PTPRT: variants seen among roughly 807,000 people sequenced by gnomAD.
PTPRT encodes receptor-type tyrosine-protein phosphatase T.
In PTPRT, 56 loss-of-function variants were observed where a neutral mutation model predicts 176.8. The observed-to-expected ratio is 0.32, with a 90% CI of 0.26 to 0.40. The LOEUF (loss-of-function observed/expected upper bound fraction) is 0.40. Ranked by LOEUF, PTPRT falls within the 10% of genes least tolerant of loss-of-function variation. The pLI is 1.00. For missense variants in PTPRT, 1,540 were observed against 1,908.2 expected (o/e 0.81, Z 3.60); for synonymous variants, 783 against 739.0 (o/e 1.06, Z -0.96).
chr20:42,367,329 C>T (rs999546364), intron 9 of PTPRT, among the ~76,000 whole-genome samples: 14 of 152,180 alleles, frequency 9.2e-5, no homozygotes, highest in African/African-American at 3.4e-4. Context: ...AGACCTGAAT[C>T]TACAACATCA....
At chr20:42,921,465 G>T (rs1340238978) in intron 1 of PTPRT, among the ~76,000 whole-genome samples, 6 of 152,128 alleles carry the variant, frequency 3.9e-5, no homozygotes, top group African/African-American at 1.2e-4. Context: ...TCCACCTGTA[G>T]TCCTAGCTAC....
chr20:42,463,766 AT>A (rs1188785454), intron 8 of PTPRT, among the ~76,000 whole-genome samples: 2 of 152,046 alleles, frequency 1.3e-5, no homozygotes, highest in Admixed American at 6.6e-5. Context: ...TGTCTATGTC[AT>A]TTTTTTGTCT....
chr20:42,704,448 T>C (rs1203482176), intron 6 of PTPRT, among the ~76,000 whole-genome samples: 1 of 150,332 alleles, frequency 6.7e-6, no homozygotes, highest in Non-Finnish European at 1.5e-5. Flanking sequence ...AAAAAAAAAG[T>C]TCCACTTCCT....
chr20:43,120,862 T>C (rs2013233894), intron 1 of PTPRT, among the ~76,000 whole-genome samples: 1 of 152,250 alleles, frequency 6.6e-6, no homozygotes, highest in Admixed American at 6.5e-5. Context: ...TGTATTAATA[T>C]ATGTAAATAT....
intron 7 of PTPRT, among the ~76,000 whole-genome samples, chr20:42,506,354 T>C (rs935002372): frequency 1.3e-5 from 2 of 152,192 alleles, no homozygotes; most frequent in African/African-American, 4.8e-5. Flanking sequence ...CACACTTCAA[T>C]AAGCATAGCC....
intron 12 of PTPRT, among the ~76,000 whole-genome samples, chr20:42,312,490 A>C (rs959710971): frequency 2.3e-4 from 35 of 152,254 alleles, no homozygotes; most frequent in Non-Finnish European, 3.1e-4. Context: ...AGTAAAATTT[A>C]ATACTAAAGA....
chr20:43,096,221 C>T (rs905080306), intron 1 of PTPRT, among the ~76,000 whole-genome samples: 4 of 151,844 alleles, frequency 2.6e-5, no homozygotes, highest in Admixed American at 2.0e-4. Context: ...CCTTTTCTCC[C>T]TCTCCCTCCT....
chr20:42,805,037 G>C (rs1218604007), intron 2 of PTPRT, among the ~76,000 whole-genome samples: 2 of 152,124 alleles, frequency 1.3e-5, no homozygotes, highest in Non-Finnish European at 2.9e-5. Context: ...GAGCCCTACT[G>C]TGTTCATCAC....
intron 6 of PTPRT, among the ~76,000 whole-genome samples, chr20:42,685,085 C>G (rs142545114): frequency 3.3e-5 from 5 of 152,142 alleles, no homozygotes; most frequent in Admixed American, 3.3e-4. Flanking sequence ...CACTCCTAAC[C>G]ATTATGATAA....
chr20:42,161,235 G>A lies in PTPRT; in HGVS notation c.2682+117C>T, dbSNP rs190467811. ...GCCTGAGATGTTGCATTTCCTACACGCTCCCAGGTGATACTGAGGCTGCTG... is the reference window on the plus strand; with the variant it reads ...GCCTGAGATGTTGCATTTCCTACACACTCCCAGGTGATACTGAGGCTGCTG... On this transcript the variant is annotated intron_variant, in intron 17 of 30. Transcript: ENST00000373187. 2.2e-4 allele frequency: 259 copies of A among 1,162,676 alleles called. 2 individuals are homozygous for A. In the Admixed American group the frequency reaches 2.3e-3, roughly 10 times the overall value. 72.0% of individuals were successfully genotyped at this position (1,162,676 alleles called of 1,614,324 possible).
chr20:42,504,168 A>T (rs973110592), intron 7 of PTPRT, among the ~76,000 whole-genome samples: 1 of 152,104 alleles, frequency 6.6e-6, no homozygotes, highest in Non-Finnish European at 1.5e-5. Context: ...AAAATAGAGG[A>T]TTTTATTTTT....
At chr20:42,410,675 A>T (rs1309523701) in intron 9 of PTPRT, among the ~76,000 whole-genome samples, 7 of 152,200 alleles carry the variant, frequency 4.6e-5, no homozygotes, top group Non-Finnish European at 8.8e-5. Flanking sequence ...ATACCATACT[A>T]TGAAACAAAT....
rs1005682774 is a variant in PTPRT, at chr20:42,075,114, T to C, written c.*5765A>G. ...TCTATCACTTCTAGACATGTATACA[T>C]GGAAAACCTCCAACAGGGAAACTTT... On this transcript the variant is annotated 3_prime_UTR_variant, in exon 31 of 31. Transcript: ENST00000373187. The C allele has an allele frequency of 2.3e-5, 8 of 345,826 alleles. No homozygotes were observed. Among genetic ancestry groups the C allele is most frequent in the African/African-American group, 1.7e-4 (8 of 47,800 alleles). 21.4% of individuals were successfully genotyped at this position (345,826 alleles called of 1,614,324 possible). A position where few individuals can be genotyped will look rare whatever the true frequency, so the allele number is the denominator to read the frequency against.
chr20:43,185,523 C>G (rs1321354767), intron 1 of PTPRT, among the ~76,000 whole-genome samples: 1 of 152,208 alleles, frequency 6.6e-6, no homozygotes, highest in Non-Finnish European at 1.5e-5. Flanking sequence ...TAAAAGTCAA[C>G]ATTCCCTATT....
intron 7 of PTPRT, among the ~76,000 whole-genome samples, chr20:42,616,821 G>A (rs2074089242): frequency 7.3e-6 from 1 of 137,388 alleles, no homozygotes. Context: ...TTGCTTAACA[G>A]CTTAAGGAGA....
At chr20:42,854,671 G>A (rs1229430124) in intron 2 of PTPRT, among the ~76,000 whole-genome samples, 10 of 152,176 alleles carry the variant, frequency 6.6e-5, no homozygotes. Context: ...CAATCACTGG[G>A]GGAAAAAATT....
Position 42,634,038 on chromosome 20 carries a change from ATATTATATATATATTAT to A in PTPRT, c.1153+43811_1153+43827del, listed in dbSNP as rs1489215283. 4.7e-3 allele frequency among the ~76,000 whole-genome samples: 138 copies of A among 29,484 alleles called. 2 individuals are homozygous for A. The highest frequency in any genetic ancestry group is 7.0e-3 in the Non-Finnish European group (128 of 18,392). The allele number at this position is 29,484 out of a possible 152,430, so 19.3% of individuals were successfully genotyped here. On this transcript the variant is annotated intron_variant, in intron 7 of 30. Transcript: ENST00000373187. ...TATATATATAATATATATATTATATATATTATATATATATTATAAATATATAATATATATATAATATA... is the reference window on the plus strand; with the variant it reads ...TATATATATAATATATATATTATATAAAATATATAATATATATATAATATA...
At chr20:43,045,933 T>C (rs1986819970) in intron 1 of PTPRT, among the ~76,000 whole-genome samples, 1 of 152,062 alleles carries the variant, frequency 6.6e-6, no homozygotes, top group South Asian at 2.1e-4. Flanking sequence ...GAGCCAAAAC[T>C]TGGAAACTCA....
rs541382765 is a variant in PTPRT, at chr20:42,299,009, C to A, written c.2140-16484G>T. Among the ~76,000 whole-genome samples, 9 of 151,866 alleles carry A rather than the reference C, an allele frequency of 5.9e-5. No homozygotes were observed. In the East Asian group the frequency reaches 1.5e-3, roughly 26 times the overall value. On this transcript the variant is annotated intron_variant, in intron 12 of 30. Transcript: ENST00000373187. The stretch of plus-strand genomic sequence containing the variant: ...ATTTATGAAATAATATAAAGTGATA[C>A]CCAAGTATCTATAGTATGTTAGCTT...
Sources: allele counts gnomAD v4.1 joint callset (sites outside exome capture counted in the v4.1 genomes callset), GRCh38; gene constraint gnomAD v4.1.1; transcripts MANE v1.5; gene names NCBI Gene and HGNC (gene_info 2026-07-23, HGNC 2026-07-21).